Variants in SETMAR observed in about 807,000 individuals in gnomAD.
SETMAR encodes the protein histone-lysine N-methyltransferase SETMAR.
A neutral mutation model predicts 58.4 loss-of-function variants in SETMAR; 44 were observed. The ratio of observed to expected loss-of-function variants is 0.75; its 90% CI spans 0.59 to 0.97. The LOEUF (loss-of-function observed/expected upper bound fraction) is 0.97, where lower values mean the gene tolerates loss of function less well. Among genes scored for constraint, SETMAR ranks in the 50% least tolerant of loss-of-function variants. The pLI is 0.00. For missense variants in SETMAR, 903 were observed against 840.2 expected, an observed-to-expected ratio of 1.07 and a Z score of -0.92; for synonymous variants, 332 against 307.4, an observed-to-expected ratio of 1.08 and a Z score of -0.84.
intron 2 of SETMAR, 80 bp from the exon 3 acceptor site, chr3:4,316,132 A>G: frequency 1.7e-6 from 1 of 574,800 alleles, no homozygotes; most frequent in Admixed American, 2.9e-5. Flanking sequence ...AAATGTGGTC[A>G]TGTTATACAC....
At chr3:4,314,152 GA>G (rs944085417) in intron 2 of SETMAR, 50 of 243,486 alleles carry the variant, frequency 2.1e-4, no homozygotes, top group African/African-American at 1.1e-3. Context: ...CCATTGCATA[GA>G]AAAATCAACA....
At chr3:4,315,568 G>A (rs1281968524) in intron 2 of SETMAR, among the ~76,000 whole-genome samples, 1 of 152,096 alleles carries the variant, frequency 6.6e-6, no homozygotes, top group Non-Finnish European at 1.5e-5. Context: ...GATTCCTAAG[G>A]TAAGAGTCAA....
chr3:4,303,933 G>T (rs918033889), intron 1 of SETMAR: 2 of 1,151,040 alleles, frequency 1.7e-6, no homozygotes, highest in Admixed American at 6.7e-5. Flanking sequence ...ACAGCCCCTC[G>T]AGTCAGCCTT....
chr3:4,313,753 A>G lies in SETMAR; in HGVS notation c.1012A>G (p.Thr338Ala). 5 of 1,613,954 alleles carry G rather than the reference A, an allele frequency of 3.1e-6. No individual in the cohort carries two copies. Among genetic ancestry groups the G allele is most frequent in the Non-Finnish European group, 4.2e-6 (5 of 1,179,926 alleles). The change falls in exon 2 of 3, where the codon ACC (threonine) becomes GCC (alanine). Residue 338 changes from threonine to alanine, a missense_variant. Transcript: ENST00000358065. ...PSVFPSCKRL[T>A]LETMKMMLDK... ...TGTGTTCCCCTCCTGCAAGCGATTG[A>G]CCCTTGAGGTGAGTCTGTTCAGTGA...
rs149255014 is a variant in SETMAR at position 4,313,754 on chromosome 3, C to T, written c.1013C>T (p.Thr338Ile). Residue 338 changes from threonine to isoleucine, a missense_variant, in exon 2 of 3, where the codon ACC becomes ATC. Transcript: ENST00000358065. ...PSVFPSCKRL[T>I]LETMKMMLDK... ...GTGTTCCCCTCCTGCAAGCGATTGA[C>T]CCTTGAGGTGAGTCTGTTCAGTGAT... 2 of 1,613,898 alleles carry T rather than the reference C, an allele frequency of 1.2e-6. No individual in the cohort carries two copies. The highest frequency in any genetic ancestry group is 1.3e-5 in the African/African-American group (1 of 74,912).
chr3:4,313,232 TTGTC>T lies in SETMAR; in HGVS notation c.495_498del (p.Cys166AsnfsTer7). 6.2e-7 allele frequency: 1 copy of T among 1,613,930 alleles called. No homozygotes were observed. The highest frequency in any genetic ancestry group is 8.5e-7 in the Non-Finnish European group (1 of 1,179,972). On this transcript the variant is annotated frameshift_variant, in exon 2 of 3. Coordinates refer to ENST00000358065, the MANE Select transcript of SETMAR (RefSeq NM_006515.4). LOFTEE classifies it high-confidence loss of function. ...TTGGAATTTATACCGAAAGGAAGGTTTGTCTGTGAATATGCTGGTGAGGTTTTAG... is the reference window on the plus strand; with the variant it reads ...TTGGAATTTATACCGAAAGGAAGGTTTGTGAATATGCTGGTGAGGTTTTAG...
rs1698690464 is a variant in SETMAR at position 4,317,051 on chromosome 3, G to A, written c.1860G>A (p.Leu620=). 1 of 1,549,262 alleles carries A rather than the reference G, an allele frequency of 6.5e-7. No individual in the cohort carries two copies. The highest frequency in any genetic ancestry group is 1.4e-5 in the African/African-American group (1 of 73,032). Reference sequence around the variant, plus strand: ...ATCCACCGTATTCACCTGACCTCTTGCCAACCAACTACCACGTCTTTAAGC... The same window carrying A: ...ATCCACCGTATTCACCTGACCTCTTACCAACCAACTACCACGTCTTTAAGC... ...LPHPPYSPDL[L]PTNYHVFKHL... is the part of the protein sequence containing the mutation. The change falls in exon 3 of 3, where the codon TTG becomes TTA. Residue 620 remains leucine (L), a synonymous_variant. Transcript: ENST00000358065.
intron 1 of SETMAR, among the ~76,000 whole-genome samples, chr3:4,308,462 A>C (rs1381895956): frequency 6.6e-6 from 1 of 152,268 alleles, no homozygotes; most frequent in Non-Finnish European, 1.5e-5. Context: ...ATAACATCTA[A>C]AAGTAATATC....
At chr3:4,313,899 C>T in intron 2 of SETMAR, 138 bp downstream of exon 2, 1 of 1,428,326 alleles carries the variant, frequency 7.0e-7, no homozygotes, top group Non-Finnish European at 9.3e-7. Flanking sequence ...AGTATCCTTT[C>T]CCCTTTCTGT....
At chr3:4,309,017 T>G (rs1220141454) in intron 1 of SETMAR, among the ~76,000 whole-genome samples, 1 of 152,168 alleles carries the variant, frequency 6.6e-6, no homozygotes, top group African/African-American at 2.4e-5. Context: ...AAAACGTACA[T>G]TGGTTCAGTC....
At chr3:4,307,324 G>A (rs951710937) in intron 1 of SETMAR, among the ~76,000 whole-genome samples, 18 of 152,134 alleles carry the variant, frequency 1.2e-4, no homozygotes, top group Non-Finnish European at 2.4e-4. Flanking sequence ...TGTGTGCCTT[G>A]TCCTATGGAT....
At chr3:4,305,646 C>T (rs1698162642) in intron 1 of SETMAR, among the ~76,000 whole-genome samples, 1 of 151,952 alleles carries the variant, frequency 6.6e-6, no homozygotes, top group Admixed American at 6.6e-5. Context: ...TGATTTCTTC[C>T]CTTATTTGTT....
chr3:4,303,611 C>CCA, intron 1 of SETMAR, 85 bp downstream of exon 1: 3 of 1,377,282 alleles, frequency 2.2e-6, no homozygotes, highest in Non-Finnish European at 2.8e-6. Flanking sequence ...GGACGGCCTC[C>CCA]CAGTCGCGAC....
At chr3:4,304,939 G>A (rs1029665755) in intron 1 of SETMAR, among the ~76,000 whole-genome samples, 1 of 151,312 alleles carries the variant, frequency 6.6e-6, no homozygotes, top group Admixed American at 6.6e-5. Context: ...ATGTACATGG[G>A]TTTGGTTCAG....
rs2125110460 is a variant in SETMAR at position 4,316,968 on chromosome 3, C to T, written c.1777C>T (p.His593Tyr). The T allele has an allele frequency of 6.5e-7, 1 of 1,549,428 alleles. No homozygotes were observed. The highest frequency in any genetic ancestry group is 8.7e-7 in the Non-Finnish European group (1 of 1,146,756). Residue 593 changes from histidine (H) to tyrosine (Y), a missense_variant, in exon 3 of 3, where the codon CAT (histidine) becomes TAT (tyrosine). By Grantham distance (83) the His-to-Tyr change is moderately conservative. Coordinates refer to ENST00000358065, the MANE Select transcript of SETMAR (RefSeq NM_006515.4). The part of the protein sequence containing the change: ...PILLHDNARP[H>Y]VAQPTLQKLN... ...TCTTCTCCACGACAATGCCCGACCG[C>T]ATGTTGCACAACCCACACTTCAAAA...
chr3:4,314,044 C>T (rs1698535929), intron 2 of SETMAR: 6 of 523,524 alleles, frequency 1.1e-5, no homozygotes, highest in Admixed American at 7.2e-5. Context: ...GATATCCTGC[C>T]CTTCACCTCC....
Position 4,313,271 on chromosome 3 carries a change from A to G in SETMAR, c.530A>G (p.Glu177Gly). 6.2e-7 allele frequency: 1 copy of G among 1,613,972 alleles called. No homozygotes were observed. Among genetic ancestry groups the G allele is most frequent in the Non-Finnish European group, 8.5e-7 (1 of 1,179,942 alleles). Residue 177 changes from glutamate (E) to glycine (G), a missense_variant, in exon 2 of 3, where the codon GAA (glutamate) becomes GGA (glycine). Glu to Gly is a moderately conservative substitution (Grantham distance 98, BLOSUM62 -2). Coordinates refer to ENST00000358065, the MANE Select transcript of SETMAR (RefSeq NM_006515.4). ...GCTGGTGAGGTTTTAGGATTCTCTGAAGTTCAGAGAAGAATTCACTTACAA... is the reference window on the plus strand; with the variant it reads ...GCTGGTGAGGTTTTAGGATTCTCTGGAGTTCAGAGAAGAATTCACTTACAA... ...EYAGEVLGFSEVQRRIHLQTK... is the reference protein window; with the variant it reads ...EYAGEVLGFSGVQRRIHLQTK...
intron 2 of SETMAR, among the ~76,000 whole-genome samples, chr3:4,314,703 A>G (rs1016442475): frequency 2.6e-5 from 4 of 152,202 alleles, no homozygotes; most frequent in Admixed American, 2.0e-4. Context: ...CGGGAGTTTT[A>G]TGATCCCGTT....
In SETMAR at chr3:4,316,706, G is replaced by A. The variant is rs1031562015; in HGVS notation, c.1515G>A (p.Arg505=). Residue 505 remains arginine, a synonymous_variant, in exon 3 of 3, where the codon CGG becomes CGA. Coordinates refer to ENST00000358065, the MANE Select transcript of SETMAR (RefSeq NM_006515.4). ...AAAAGTGGATTTTATATGACAACCG[G>A]CGACGATCAGCTCAGTGGTTGGATC... The part of the protein sequence containing the change: ...CDEKWILYDN[R]RRSAQWLDQE... The A allele has an allele frequency of 9.0e-6, 14 of 1,550,876 alleles. No individual in the cohort carries two copies. Among genetic ancestry groups the A allele is most frequent in the Middle Eastern group, 1.7e-4 (1 of 6,008 alleles).
Sources: allele counts gnomAD v4.1 joint callset (sites outside exome capture counted in the v4.1 genomes callset), GRCh38; gene constraint gnomAD v4.1.1; transcripts MANE v1.5; gene names NCBI Gene and HGNC (gene_info 2026-07-23, HGNC 2026-07-21).